The following RASEF variants were observed in gnomAD, a reference collection of about 807,000 sequenced individuals.
The protein encoded by RASEF is RAS and EF-hand domain containing.
RASEF carries 68 observed loss-of-function variants against 90.1 expected under a neutral mutation model. That is an observed-to-expected ratio of 0.75 (90% confidence interval 0.62 to 0.92). The LOEUF is 0.92. RASEF is among the 40% of genes least tolerant of loss of function. The pLI is 0.00. For synonymous variants in RASEF, 331 were observed against 345.2 expected (o/e 0.96, Z 0.46); for missense variants, 949 against 937.2 (o/e 1.01, Z -0.16).
intron 2 of RASEF, among the ~76,000 whole-genome samples, chr9:83,024,512 T>C (rs1212491739): frequency 6.6e-6 from 1 of 152,092 alleles, no homozygotes; most frequent in Admixed American, 6.5e-5. Flanking sequence ...GCCTGTCCCA[T>C]CTCAAAGGAG....
the RASEF span, among the ~76,000 whole-genome samples, chr9:83,164,818 C>G: frequency 5.3e-5 from 8 of 151,748 alleles, no homozygotes; most frequent in Non-Finnish European, 1.0e-4. Flanking sequence ...GAAAAATATA[C>G]CATGTTCATA....
chr9:83,048,332 T>C (rs1466086773), intron 1 of RASEF: 1 of 985,210 alleles, frequency 1.0e-6, no homozygotes, highest in African/African-American at 1.7e-5. Flanking sequence ...ACTCCCTGAG[T>C]GTAGCTGGTC....
intron 1 of RASEF, among the ~76,000 whole-genome samples, chr9:83,034,519 GA>G (rs1354978203): frequency 1.3e-5 from 2 of 152,232 alleles, no homozygotes; most frequent in African/African-American, 4.8e-5. Flanking sequence ...AAATTCCCTG[GA>G]AGATGAGAGA....
chr9:83,162,183 A>C, the RASEF span, among the ~76,000 whole-genome samples: 1 of 152,224 alleles, frequency 6.6e-6, no homozygotes, highest in Non-Finnish European at 1.5e-5. Flanking sequence ...CTCCAGGTTT[A>C]GAGAACATAG....
chr9:83,043,353 A>C, intron 1 of RASEF, among the ~76,000 whole-genome samples: 1 of 151,174 alleles, frequency 6.6e-6, no homozygotes, highest in Admixed American at 6.6e-5. Context: ...TCAAAACAGA[A>C]GCAAAGGACA....
chr9:83,149,529 A>G, the RASEF span, among the ~76,000 whole-genome samples: 2 of 152,284 alleles, frequency 1.3e-5, no homozygotes, highest in East Asian at 1.9e-4. Flanking sequence ...GCAGGAAGGC[A>G]TGGCTTAGAG....
intron 1 of RASEF, among the ~76,000 whole-genome samples, chr9:83,039,026 T>G (rs993255577): frequency 1.3e-5 from 2 of 152,220 alleles, no homozygotes; most frequent in African/African-American, 2.4e-5. Context: ...TCTGGTTTTT[T>G]TGTTTTGTTT....
chr9:83,126,870 G>A, the RASEF span, among the ~76,000 whole-genome samples: 2 of 151,960 alleles, frequency 1.3e-5, no homozygotes, highest in African/African-American at 4.8e-5. Flanking sequence ...AGTTACTAGG[G>A]CTATTATGGG....
At chr9:83,208,561 C>T in the RASEF span, among the ~76,000 whole-genome samples, 1 of 152,276 alleles carries the variant, frequency 6.6e-6, no homozygotes, top group South Asian at 2.1e-4. Flanking sequence ...CACTGGAGTT[C>T]TGAATATGTC....
At chr9:83,218,911 C>T in the RASEF span, among the ~76,000 whole-genome samples, 1 of 152,092 alleles carries the variant, frequency 6.6e-6, no homozygotes, top group Non-Finnish European at 1.5e-5. Flanking sequence ...ACAGGAGGAC[C>T]GTGCAAAGGC....
the RASEF span, among the ~76,000 whole-genome samples, chr9:83,208,704 G>C: frequency 6.6e-6 from 1 of 152,076 alleles, no homozygotes; most frequent in Non-Finnish European, 1.5e-5. Context: ...CGATAGCCAG[G>C]AAAATTCTCC....
At chr9:83,014,856 C>T (rs776193166) in intron 4 of RASEF, among the ~76,000 whole-genome samples, 16 of 152,100 alleles carry the variant, frequency 1.1e-4, no homozygotes, top group Non-Finnish European at 2.2e-4. Context: ...ACAAATGATA[C>T]ACATCCCTCC....
At chr9:83,144,841 A>T in the RASEF span, among the ~76,000 whole-genome samples, 2 of 152,182 alleles carry the variant, frequency 1.3e-5, no homozygotes, top group Admixed American at 6.5e-5. Context: ...ACTATAAAAC[A>T]CTTAATCAGT....
At chr9:83,003,235 C>A (rs993579942) in intron 9 of RASEF, among the ~76,000 whole-genome samples, 9 of 152,114 alleles carry the variant, frequency 5.9e-5, no homozygotes, top group Non-Finnish European at 1.3e-4. Context: ...CACACACACC[C>A]AGAAGGGGCA....
the RASEF span, among the ~76,000 whole-genome samples, chr9:83,196,586 A>G: frequency 2.0e-5 from 3 of 152,158 alleles, no homozygotes; most frequent in Non-Finnish European, 4.4e-5. Context: ...GTCTTGCTAT[A>G]AAGCCATCTA....
chr9:83,148,832 C>A, the RASEF span, among the ~76,000 whole-genome samples: 1 of 152,192 alleles, frequency 6.6e-6, no homozygotes, highest in East Asian at 1.9e-4. Flanking sequence ...GGGGAGAAGA[C>A]AGCGAGAAAA....
chr9:83,113,558 G>A, the RASEF span, among the ~76,000 whole-genome samples: 1 of 152,176 alleles, frequency 6.6e-6, no homozygotes, highest in Admixed American at 6.5e-5. Context: ...TGTGTGAGTA[G>A]CAGAGATATT....
intron 12 of RASEF, among the ~76,000 whole-genome samples, chr9:82,998,971 T>A (rs1002223148): frequency 8.5e-5 from 13 of 152,214 alleles, no homozygotes; most frequent in African/African-American, 3.1e-4. Flanking sequence ...TTTACATGCA[T>A]CATGGTCTCT....
chr9:82,997,182 CT>C, intron 13 of RASEF, 56 bp from the exon 14 acceptor site: 1 of 1,078,594 alleles, frequency 9.3e-7, no homozygotes, highest in Non-Finnish European at 1.4e-6. Flanking sequence ...TTCTTCTTCT[CT>C]TTTATGCTCA....
Sources: gnomAD v4.1 joint callset for allele counts (sites outside exome capture counted in the v4.1 genomes callset) on GRCh38, gnomAD v4.1.1 for gene constraint, MANE v1.5 for transcripts, NCBI Gene and HGNC (gene_info 2026-07-23, HGNC 2026-07-21) for gene names.